SLC2A13: variants seen among roughly 807,000 people sequenced by gnomAD.
SLC2A13 encodes the protein solute carrier family 2 member 13.
Under a neutral mutation model 64.4 loss-of-function variants are expected in SLC2A13, and 32 were observed. That is an observed-to-expected ratio of 0.50 (90% CI 0.37 to 0.67). SLC2A13 has a LOEUF of 0.67. Ranked by LOEUF, SLC2A13 falls within the 30% of genes least tolerant of loss-of-function variation. SLC2A13 has a pLI of 0.00. For missense variants in SLC2A13, 743 were observed against 829.2 expected (o/e 0.90, Z 1.28); for synonymous variants, 338 against 327.1 (o/e 1.03, Z -0.36).
intron 1 of SLC2A13, among the ~76,000 whole-genome samples, chr12:40,079,818 CTGTT>C (rs1387639771): frequency 3.3e-5 from 5 of 152,292 alleles, no homozygotes; most frequent in South Asian, 2.1e-4. Context: ...ATAGTTAAGA[CTGTT>C]TATTTAGTTG....
intron 7 of SLC2A13, among the ~76,000 whole-genome samples, chr12:39,820,492 AC>A (rs532917450): frequency 1.8e-4 from 28 of 152,098 alleles, no homozygotes; most frequent in Non-Finnish European, 3.8e-4. Flanking sequence ...GTAGTGGAAA[AC>A]TATTTTGTTT....
intron 2 of SLC2A13, among the ~76,000 whole-genome samples, chr12:40,040,623 C>T (rs1948070907): frequency 6.6e-6 from 1 of 152,102 alleles, no homozygotes; most frequent in Admixed American, 6.5e-5. Flanking sequence ...AACTCCTGAC[C>T]TCAGGTGATC....
At chr12:39,846,386 G>A (rs1447691531) in intron 6 of SLC2A13, among the ~76,000 whole-genome samples, 1 of 152,112 alleles carries the variant, frequency 6.6e-6, no homozygotes, top group African/African-American at 2.4e-5. Flanking sequence ...TCTAGAGAAA[G>A]ATCTTTCTCA....
chr12:39,892,013 C>T (rs973353956), intron 4 of SLC2A13, among the ~76,000 whole-genome samples: 3 of 152,118 alleles, frequency 2.0e-5, no homozygotes, highest in African/African-American at 7.2e-5. Context: ...TTAATTCATA[C>T]ATTAATTCTA....
At chr12:39,802,696 CAT>C (rs1366475950) in intron 7 of SLC2A13, among the ~76,000 whole-genome samples, 12 of 151,978 alleles carry the variant, frequency 7.9e-5, no homozygotes, top group Non-Finnish European at 1.3e-4. Context: ...TGTATACACA[CAT>C]AGTTACATGT....
At chr12:39,767,028 T>A (rs1940378955) in intron 7 of SLC2A13, among the ~76,000 whole-genome samples, 1 of 152,126 alleles carries the variant, frequency 6.6e-6, no homozygotes, top group Non-Finnish European at 1.5e-5. Context: ...CGAATGTTTT[T>A]AATAGCATCC....
intron 6 of SLC2A13, among the ~76,000 whole-genome samples, chr12:39,841,303 G>A (rs754101009): frequency 2.6e-5 from 4 of 152,064 alleles, no homozygotes; most frequent in African/African-American, 4.8e-5. Context: ...ATTTTAGGCC[G>A]GAATTTCTAG....
intron 6 of SLC2A13, among the ~76,000 whole-genome samples, chr12:39,835,399 A>C (rs1942978803): frequency 6.6e-6 from 1 of 152,122 alleles, no homozygotes; most frequent in Non-Finnish European, 1.5e-5. Flanking sequence ...TTACATACTA[A>C]TTTCAAGGGC....
At chr12:40,052,860 A>C (rs1948281271) in intron 1 of SLC2A13, among the ~76,000 whole-genome samples, 1 of 152,172 alleles carries the variant, frequency 6.6e-6, no homozygotes, top group Non-Finnish European at 1.5e-5. Flanking sequence ...ATCCTGAAAC[A>C]GTCCAACAAT....
chr12:39,975,775 C>T (rs1037031709), intron 3 of SLC2A13, among the ~76,000 whole-genome samples: 2 of 152,194 alleles, frequency 1.3e-5, no homozygotes, highest in African/African-American at 4.8e-5. Flanking sequence ...ATTTTTATTT[C>T]ACTCTCTATT....
intron 2 of SLC2A13, among the ~76,000 whole-genome samples, chr12:40,038,771 G>GGGGAAA (rs71434308): frequency 0.83 from 120,416 of 145,934 alleles, 49,841 homozygotes; most frequent in East Asian, 0.94. Context: ...GGAAAGGGAA[G>GGGGAAA]GGGAAAGGGA....
At chr12:40,088,031 C>A (rs1235379866) in intron 1 of SLC2A13, among the ~76,000 whole-genome samples, 1 of 152,118 alleles carries the variant, frequency 6.6e-6, no homozygotes, top group East Asian at 1.9e-4. Context: ...CTGTATACTA[C>A]CATGTGCCAG....
At chr12:39,828,346 A>G (rs1462767952) in intron 7 of SLC2A13, among the ~76,000 whole-genome samples, 1 of 151,704 alleles carries the variant, frequency 6.6e-6, no homozygotes, top group African/African-American at 2.4e-5. Context: ...TATTTTTGCT[A>G]CTTAGTTATC....
intron 4 of SLC2A13, among the ~76,000 whole-genome samples, chr12:39,882,425 T>C (rs1224011494): frequency 1.3e-5 from 2 of 152,366 alleles, no homozygotes; most frequent in East Asian, 3.9e-4. Context: ...GTTATACTTA[T>C]GTCATAAATT....
At chr12:40,098,025 A>G (rs956919847) in intron 1 of SLC2A13, among the ~76,000 whole-genome samples, 4 of 143,974 alleles carry the variant, frequency 2.8e-5, no homozygotes, top group Non-Finnish European at 6.0e-5. Flanking sequence ...ATATGTGTAT[A>G]TGTATGTATA....
At chr12:40,098,852 T>C (rs970028608) in intron 1 of SLC2A13, among the ~76,000 whole-genome samples, 11 of 152,318 alleles carry the variant, frequency 7.2e-5, no homozygotes, top group Admixed American at 7.2e-4. Context: ...GTCCAGGGTG[T>C]TGGCCGCTAA....
chr12:40,036,476 A>T (rs1404397234), intron 2 of SLC2A13, among the ~76,000 whole-genome samples: 1 of 152,170 alleles, frequency 6.6e-6, no homozygotes, highest in Non-Finnish European at 1.5e-5. Flanking sequence ...TTTTCCAGTC[A>T]ATCCCCATTG....
chr12:40,018,387 G>A (rs988752512), intron 3 of SLC2A13, among the ~76,000 whole-genome samples: 1 of 152,148 alleles, frequency 6.6e-6, no homozygotes, highest in African/African-American at 2.4e-5. Context: ...TCAACACAGA[G>A]AACAGCCTCC....
At chr12:39,888,652 C>T (rs1411623766) in intron 4 of SLC2A13, among the ~76,000 whole-genome samples, 2 of 152,210 alleles carry the variant, frequency 1.3e-5, no homozygotes, top group African/African-American at 2.4e-5. Flanking sequence ...GAGCACAGTA[C>T]TAATTTCACT....
Sources: allele counts gnomAD v4.1 joint callset (sites outside exome capture counted in the v4.1 genomes callset), GRCh38; gene constraint gnomAD v4.1.1; transcripts MANE v1.5; gene names NCBI Gene and HGNC (gene_info 2026-07-23, HGNC 2026-07-21).